The following SLC2A1 variants were observed in gnomAD, a reference collection of about 807,000 sequenced individuals.
SLC2A1 encodes solute carrier family 2, facilitated glucose transporter member 1.
In SLC2A1, 4 loss-of-function variants were observed where a neutral mutation model predicts 46.6. The observed-to-expected ratio is 0.09, with a 90% CI of 0.04 to 0.20. SLC2A1 has a LOEUF of 0.20. Among genes scored for constraint, SLC2A1 ranks in the 10% least tolerant of loss-of-function variants. The pLI, the probability that SLC2A1 is intolerant of heterozygous loss-of-function variation, is 1.00. For synonymous variants in SLC2A1, 253 were observed against 270.0 expected, an observed-to-expected ratio of 0.94 and a Z score of 0.62; for missense variants, 352 against 667.0, an observed-to-expected ratio of 0.53 and a Z score of 5.20.
rs1002575788 is a variant in SLC2A1, at chr1:42,930,940, C to G, written c.276-74G>C. On this transcript the variant is annotated intron_variant, in intron 3 of 9. Coordinates refer to ENST00000426263, the MANE Select transcript of SLC2A1 (RefSeq NM_006516.4). The surrounding 1 kb of genome is among the most constrained non-coding windows in gnomAD (Gnocchi z 6.2). ...CGAGGGGCTGGGTCAGAGGTAATAC[C>G]CTGGAACAGGCAGATAAGTCTCCCC... 2.5e-6 allele frequency: 4 copies of G among 1,606,306 alleles called. No homozygotes were observed. The East Asian group carries it at 6.7e-5, about 27-fold the overall frequency.
chr1:42,932,657 C>T (rs1191851806), intron 2 of SLC2A1, among the ~76,000 whole-genome samples: 1 of 152,226 alleles, frequency 6.6e-6, no homozygotes, highest in African/African-American at 2.4e-5. Context: ...TTGGTCCTCC[C>T]TATCCCTTCC....
rs373252084 is a variant in SLC2A1, at chr1:42,947,565, TAC to T, written c.19-4246_19-4245del. Among the ~76,000 whole-genome samples the T allele has an allele frequency of 6.6e-3, 592 of 89,710 alleles. 38 individuals are homozygous for T. Among genetic ancestry groups the T allele is most frequent in the African/African-American group, 0.024 (498 of 21,160 alleles). The allele number at this position is 89,710 out of a possible 152,430, so 58.9% of individuals were successfully genotyped here. A position where few individuals can be genotyped will look rare whatever the true frequency, so the allele number is the denominator to read the frequency against. On this transcript the variant is annotated intron_variant, in intron 1 of 9. Transcript: ENST00000426263. ...GGTGAAACCAGGTCTCTACTAAAAT[TAC>T]ACACACACACACACAAAAAAAAAAA... is the stretch of plus-strand genomic sequence containing the variant.
At chr1:42,933,040 C>T (rs1290495751) in intron 2 of SLC2A1, among the ~76,000 whole-genome samples, 1 of 152,184 alleles carries the variant, frequency 6.6e-6, no homozygotes, top group Admixed American at 6.5e-5. Flanking sequence ...CCAGTGTGAC[C>T]ATGAGCAAGT....
intron 8 of SLC2A1, among the ~76,000 whole-genome samples, chr1:42,928,307 C>T (rs1643449780): frequency 6.6e-6 from 1 of 152,236 alleles, no homozygotes; most frequent in South Asian, 2.1e-4. Flanking sequence ...CCAAACTTTC[C>T]AAGCCCAGGT....
At chr1:42,944,949 C>T (rs1242361536) in intron 1 of SLC2A1, among the ~76,000 whole-genome samples, 1 of 152,040 alleles carries the variant, frequency 6.6e-6, no homozygotes, top group East Asian at 1.9e-4. Context: ...TCTGGGGAGC[C>T]TTCAGGCCCA....
At chr1:42,928,827 AGC>A (rs1643454997) in intron 8 of SLC2A1, 103 bp downstream of exon 8, 2 of 967,012 alleles carry the variant, frequency 2.1e-6, no homozygotes, top group Non-Finnish European at 3.3e-6. Context: ...GGGAGAATGC[AGC>A]CACCAAAAGG....
intron 1 of SLC2A1, among the ~76,000 whole-genome samples, chr1:42,955,431 A>C (rs1470241601): frequency 6.6e-6 from 1 of 152,192 alleles, no homozygotes; most frequent in Non-Finnish European, 1.5e-5. Context: ...CAACATGGCG[A>C]AACCCTGTCT....
At chr1:42,937,765 TGGTGACG>T (rs998752348) in intron 2 of SLC2A1, among the ~76,000 whole-genome samples, 12 of 152,162 alleles carry the variant, frequency 7.9e-5, no homozygotes, top group African/African-American at 2.7e-4. Flanking sequence ...TTTATGGTAG[TGGTGACG>T]GGTGAAGGGG....
intron 1 of SLC2A1, among the ~76,000 whole-genome samples, chr1:42,949,749 GC>G (rs1463898030): frequency 1.3e-5 from 2 of 152,212 alleles, no homozygotes; most frequent in African/African-American, 4.8e-5. Flanking sequence ...CCATGAACAA[GC>G]TTTTGGGGAG....
intron 1 of SLC2A1, among the ~76,000 whole-genome samples, chr1:42,949,862 C>T (rs1056839260): frequency 6.6e-6 from 1 of 152,172 alleles, no homozygotes; most frequent in South Asian, 2.1e-4. Flanking sequence ...GTCTCTGATG[C>T]CAAATTCTAT....
At chr1:42,951,514 G>C in intron 1 of SLC2A1, 1 of 224,308 alleles carries the variant, frequency 4.5e-6, no homozygotes, top group Middle Eastern at 1.4e-3. Flanking sequence ...GAACTATGCA[G>C]AAAGTGGGAT....
Position 42,931,071 on chromosome 1 carries a change from C to T in SLC2A1, c.250G>A (p.Gly84Ser), listed in dbSNP as rs768621727. Residue 84 changes from glycine to serine, a missense_variant, in exon 3 of 10, where the codon GGC becomes AGC. Gly to Ser is a moderately conservative substitution (Grantham distance 56). Transcript: ENST00000426263. Reference protein sequence around the residue: ...VGGMIGSFSVGLFVNRFGRRN... With the variant: ...VGGMIGSFSVSLFVNRFGRRN... ...CGGCCAAAGCGGTTAACGAAAAGGC[C>T]CACAGAGAAGGAGCCAATCATGCCC... 4.3e-6 allele frequency: 7 copies of T among 1,614,052 alleles called. No homozygotes were observed. Among genetic ancestry groups the T allele is most frequent in the Non-Finnish European group, 5.9e-6 (7 of 1,180,036 alleles).
intron 1 of SLC2A1, among the ~76,000 whole-genome samples, chr1:42,947,596 A>AC (rs1255529194): frequency 6.6e-6 from 1 of 151,074 alleles, no homozygotes; most frequent in Non-Finnish European, 1.5e-5. Flanking sequence ...AAAAAAAAAA[A>AC]AAAAAAAAAA....
intron 2 of SLC2A1, among the ~76,000 whole-genome samples, chr1:42,934,484 C>A (rs1643522601): frequency 6.6e-6 from 1 of 152,156 alleles, no homozygotes; most frequent in Non-Finnish European, 1.5e-5. Flanking sequence ...GTGCTCTGTG[C>A]CCTCTCCTCC....
rs991049692 is a variant in SLC2A1, at chr1:42,930,117, G to A, written c.517-82C>T. ...CTGCCAGAGTGGCCTTCCCTACTTT[G>A]TGTCAGCTGCTGCTTCAGGGAAGGG... is the stretch of plus-strand genomic sequence containing the variant. On this transcript the variant is annotated intron_variant, in intron 4 of 9. Transcript: ENST00000426263. This position sits in a 1 kb window ranked among gnomAD's most constrained non-coding sequence, Gnocchi z 6.2. 4 of 1,498,892 alleles carry A rather than the reference G, an allele frequency of 2.7e-6. No individual in the cohort carries two copies. The highest frequency in any genetic ancestry group is 1.4e-5 in the African/African-American group (1 of 72,444). The allele number at this position is 1,498,892 out of a possible 1,614,324, so 92.8% of individuals were successfully genotyped here. A position where few individuals can be genotyped will look rare whatever the true frequency, so the allele number is the denominator to read the frequency against.
In SLC2A1 at chr1:42,927,158, C is replaced by T. The variant is rs1469205406; in HGVS notation, c.1362G>A (p.Glu454=). ...FFIFTYFKVP[E]TKGRTFDEIA... ...TCTCATCGAAGGTCCGGCCTTTAGT[C>T]TCAGGAACTTTGAAGTAGGTGAAGA... The change falls in exon 10 of 10, where the codon GAG becomes GAA. Residue 454 remains glutamate, a synonymous_variant. Coordinates refer to ENST00000426263, the MANE Select transcript of SLC2A1 (RefSeq NM_006516.4). The surrounding 1 kb of genome is among the most constrained non-coding windows in gnomAD (Gnocchi z 5.3). The T allele has an allele frequency of 3.7e-6, 6 of 1,614,140 alleles. No individual in the cohort carries two copies. In the East Asian group the frequency reaches 1.1e-4, roughly 30 times the overall value.
intron 1 of SLC2A1, 64 bp from the exon 2 acceptor site, chr1:42,943,385 C>A: frequency 8.4e-7 from 1 of 1,186,438 alleles, no homozygotes. Flanking sequence ...AGGGCAGGGC[C>A]TGGACTGGCA....
chr1:42,930,585 G>T lies in SLC2A1; in HGVS notation c.516+41C>A, dbSNP rs1643478001. 3 of 1,611,124 alleles carry T rather than the reference G, an allele frequency of 1.9e-6. No individual in the cohort carries two copies. Among genetic ancestry groups the T allele is most frequent in the Non-Finnish European group, 2.5e-6 (3 of 1,178,932 alleles). On this transcript the variant is annotated intron_variant, in intron 4 of 9. Transcript: ENST00000426263. This position sits in a 1 kb window ranked among gnomAD's most constrained non-coding sequence, Gnocchi z 6.2. ...GATCCGAGAGCCACTGAAGCTGTGG[G>T]CAGGGGCCGTGCCAGGCAGGTAGAT...
chr1:42,954,928 A>G lies in SLC2A1; in HGVS notation c.18+3706T>C, dbSNP rs1379287737. Among the ~76,000 whole-genome samples, 1 of 152,224 alleles carries G rather than the reference A, an allele frequency of 6.6e-6. No individual in the cohort carries two copies. Among genetic ancestry groups the G allele is most frequent in the Non-Finnish European group, 1.5e-5 (1 of 68,020 alleles). ...AAAAAAGCAAAGCAAAGAAGCCCAA[A>G]GCAGCGCAGGGCACTCACATGAGCT... On this transcript the variant is annotated intron_variant, in intron 1 of 9. Coordinates refer to ENST00000426263, the MANE Select transcript of SLC2A1 (RefSeq NM_006516.4). The surrounding 1 kb of genome is among the most constrained non-coding windows in gnomAD (Gnocchi z 4.2).
Sources: gnomAD v4.1 joint callset for allele counts (sites outside exome capture counted in the v4.1 genomes callset) on GRCh38, gnomAD v4.1.1 for gene constraint, Gnocchi (gnomAD v3.1) non-coding constraint, MANE v1.5 for transcripts, NCBI Gene and HGNC (gene_info 2026-07-23, HGNC 2026-07-21) for gene names.